Variants in KCNN1 observed in about 807,000 individuals in gnomAD.
KCNN1 encodes potassium calcium-activated channel subfamily N member 1.
KCNN1 carries 20 observed loss-of-function variants against 44.7 expected under a neutral mutation model. The observed-to-expected ratio is 0.45, with a 90% CI of 0.32 to 0.65. The LOEUF is 0.65. Ranked by LOEUF, KCNN1 falls within the 30% of genes least tolerant of loss-of-function variation. The pLI is 0.05. For missense variants in KCNN1, 632 were observed against 785.3 expected (o/e 0.80, Z 2.33); for synonymous variants, 324 against 341.7 (o/e 0.95, Z 0.57).
chr19:17,974,836 G>GT lies in KCNN1; in HGVS notation c.403-255dup, dbSNP rs1282965585. Among the ~76,000 whole-genome samples the GT allele has an allele frequency of 3.9e-5, 6 of 152,216 alleles. No homozygotes were observed. The highest frequency in any genetic ancestry group is 5.9e-5 in the Non-Finnish European group (4 of 68,038). The stretch of plus-strand genomic sequence containing the variant: ...CTGGACACATCTTGCTGTCAGCCCA[G>GT]TCCCCAGGAATAAGGACAGGAGAGC... On this transcript the variant is annotated intron_variant, in intron 2 of 9. Transcript: ENST00000684775. The surrounding 1 kb of genome is among the most constrained non-coding windows in gnomAD (Gnocchi z 7.3).
At chr19:17,964,659 C>T (rs1431170712), upstream of KCNN1, among the ~76,000 whole-genome samples, 1 of 152,236 alleles carries the variant, frequency 6.6e-6, no homozygotes, top group African/African-American at 2.4e-5. This position sits in a 1 kb window ranked among gnomAD's most constrained non-coding sequence, Gnocchi z 4.3. Flanking sequence ...GAAGTCCCAC[C>T]TCCATCCAAC....
chr19:17,957,155 G>A (rs1386757366), intron 2 of KCNN1, among the ~76,000 whole-genome samples: 6 of 118,724 alleles, frequency 5.1e-5, no homozygotes, highest in African/African-American at 1.8e-4. Context: ...GGGAGAGAGA[G>A]AAAAAAAGGA....
At chr19:17,992,086 C>T (rs766409567) in intron 7 of KCNN1, among the ~76,000 whole-genome samples, 5 of 152,156 alleles carry the variant, frequency 3.3e-5, no homozygotes, top group Admixed American at 6.6e-5. Context: ...TTTGGGAGGC[C>T]GAGATGGGTG....
Position 17,985,375 on chromosome 19 carries a change from CT to C in KCNN1, c.983del (p.Phe328SerfsTer55). ...LGAMWLISIT[F>X]LSIGYGDMVP... ...GGGCCATGTGGCTGATTTCCATCACCTTCCTCTCCATTGGCTACGGCGACAT... is the reference window on the plus strand; with the variant it reads ...GGGCCATGTGGCTGATTTCCATCACCTCCTCTCCATTGGCTACGGCGACAT... On this transcript the variant is annotated frameshift_variant, in exon 5 of 10. Transcript: ENST00000684775. LOFTEE classifies it high-confidence loss of function. 1 of 1,611,704 alleles carries C rather than the reference CT, an allele frequency of 6.2e-7. No homozygotes were observed. Among genetic ancestry groups the C allele is most frequent in the East Asian group, 2.2e-5 (1 of 44,784 alleles).
intron 5 of KCNN1, 131 bp downstream of exon 5, chr19:17,985,584 C>T: frequency 1.3e-6 from 1 of 767,408 alleles, no homozygotes; most frequent in Non-Finnish European, 1.9e-6. Context: ...GTCCCTCCAT[C>T]TGTCAGTCCA....
chr19:17,962,361 C>T (rs1417636247), upstream of KCNN1, among the ~76,000 whole-genome samples: 1 of 152,170 alleles, frequency 6.6e-6, no homozygotes, highest in South Asian at 2.1e-4. Context: ...AAGGATCAGG[C>T]CCAGTCCCTC....
At chr19:17,991,044 G>A (rs2032776741) in intron 7 of KCNN1, among the ~76,000 whole-genome samples, 1 of 152,090 alleles carries the variant, frequency 6.6e-6, no homozygotes, top group African/African-American at 2.4e-5. Flanking sequence ...GTTGGGCATG[G>A]TGGCTCACAC....
chr19:17,971,581 A>T (rs1224293834), intron 1 of KCNN1, among the ~76,000 whole-genome samples: 1 of 148,544 alleles, frequency 6.7e-6, no homozygotes, highest in African/African-American at 2.5e-5. Flanking sequence ...TCCTGTCTCA[A>T]CCTCCTGAGT....
In KCNN1 at chr19:17,983,700, TCCCGCATGTCCC is replaced by T. The variant is rs964066671; in HGVS notation, c.917+1576_917+1587del. On this transcript the variant is annotated intron_variant, in intron 4 of 9. Transcript: ENST00000684775. The surrounding 1 kb of genome is among the most constrained non-coding windows in gnomAD (Gnocchi z 4.5). ...TGCCTCGCTCTGACCCACCCCCGCC[TCCCGCATGTCCC>T]CCAGCCGTGCTCCTGGGTGGTCCCG... Among the ~76,000 whole-genome samples the T allele has an allele frequency of 2.0e-5, 3 of 148,532 alleles. No homozygotes were observed. The highest frequency in any genetic ancestry group is 7.5e-5 in the African/African-American group (3 of 39,938).
intron 2 of KCNN1, among the ~76,000 whole-genome samples, chr19:17,960,660 C>A (rs1227674390): frequency 2.0e-5 from 3 of 150,422 alleles, no homozygotes; most frequent in African/African-American, 7.5e-5. Flanking sequence ...AAAAGAAAAA[C>A]ACACAAAAAG....
At chr19:17,964,202 C>T (rs1041754775), upstream of KCNN1, among the ~76,000 whole-genome samples, 1 of 152,240 alleles carries the variant, frequency 6.6e-6, no homozygotes, top group South Asian at 2.1e-4. The surrounding 1 kb of genome is among the most constrained non-coding windows in gnomAD (Gnocchi z 4.3). Context: ...CTGACACTCA[C>T]TGGGGCCCAG....
Position 17,998,022 on chromosome 19 carries a change from C to G in KCNN1, c.1378-130C>G. 9.8e-7 allele frequency: 1 copy of G among 1,020,286 alleles called. No individual in the cohort carries two copies. The highest frequency in any genetic ancestry group is 2.9e-5 in the East Asian group (1 of 34,800). The allele number at this position is 1,020,286 out of a possible 1,614,324, so 63.2% of individuals were successfully genotyped here. ...GGTATCCTCCCAGCCACCCCTCACA[C>G]GGGCCCCATTAGTGGCTGGCACCCA... is the stretch of plus-strand genomic sequence containing the variant. On this transcript the variant is annotated intron_variant, in intron 9 of 9. Transcript: ENST00000684775. This position sits in a 1 kb window ranked among gnomAD's most constrained non-coding sequence, Gnocchi z 5.4.
At chr19:17,953,150 C>T (rs115940828) in intron 1 of KCNN1, among the ~76,000 whole-genome samples, 2,132 of 152,276 alleles carry the variant, frequency 0.014, 45 homozygotes, top group African/African-American at 0.049. Context: ...TCCCAGATCT[C>T]ACCTCCTCTT....
Position 17,993,124 on chromosome 19 carries a change from CAG to C in KCNN1, c.1307+63_1307+64del. 6 of 1,600,188 alleles carry C rather than the reference CAG, an allele frequency of 3.7e-6. No homozygotes were observed. Among genetic ancestry groups the C allele is most frequent in the East Asian group, 2.2e-5 (1 of 44,750 alleles). ...ATCGGGGGTGCATGGTGGTCACAGA[CAG>C]GGGGTACACCCGGGGCATGCCAACC... is the stretch of plus-strand genomic sequence containing the variant. On this transcript the variant is annotated intron_variant, in intron 8 of 9. Transcript: ENST00000684775. The surrounding 1 kb of genome is among the most constrained non-coding windows in gnomAD (Gnocchi z 4.5).
chr19:17,986,170 C>A (rs2032587380), intron 5 of KCNN1, among the ~76,000 whole-genome samples: 1 of 151,458 alleles, frequency 6.6e-6, no homozygotes, highest in Non-Finnish European at 1.5e-5. Flanking sequence ...TCAAGACCAG[C>A]CTGGCCAACG....
intron 7 of KCNN1, among the ~76,000 whole-genome samples, chr19:17,991,920 G>A (rs2032809838): frequency 6.6e-6 from 1 of 152,258 alleles, no homozygotes; most frequent in African/African-American, 2.4e-5. Flanking sequence ...ACAGGCGGCC[G>A]GCTAGATTTG....
chr19:17,979,566 A>C (rs1003054445), intron 3 of KCNN1, among the ~76,000 whole-genome samples: 4 of 151,278 alleles, frequency 2.6e-5, no homozygotes, highest in Non-Finnish European at 5.9e-5. Flanking sequence ...ATTCCTGATG[A>C]TACCTTTTGC....
rs973517849 is a variant in KCNN1, at chr19:17,973,828, G to A, written c.-61G>A. ...TGCAGGTCAGTGCAGGAGCCCAGCCGCTGAGCCATGCCGGGCCCCGGGCGG... is the reference window on the plus strand; with the variant it reads ...TGCAGGTCAGTGCAGGAGCCCAGCCACTGAGCCATGCCGGGCCCCGGGCGG... On this transcript the variant is annotated 5_prime_UTR_variant, in exon 2 of 10. Coordinates refer to ENST00000684775, the MANE Select transcript of KCNN1 (RefSeq NM_001386974.1). 9.1e-6 allele frequency: 14 copies of A among 1,532,028 alleles called. No homozygotes were observed. Among genetic ancestry groups the A allele is most frequent in the Middle Eastern group, 1.7e-4 (1 of 5,938 alleles). 94.9% of individuals were successfully genotyped at this position (1,532,028 alleles called of 1,614,324 possible). A position where few individuals can be genotyped will look rare whatever the true frequency, so the allele number is the denominator to read the frequency against.
intron 2 of KCNN1, among the ~76,000 whole-genome samples, chr19:17,955,592 A>G (rs2031524376): frequency 6.7e-6 from 1 of 149,818 alleles, no homozygotes. Flanking sequence ...AAGAAAGAAA[A>G]AAAATAATAA....
Sources: allele counts gnomAD v4.1 joint callset (sites outside exome capture counted in the v4.1 genomes callset), GRCh38; gene constraint gnomAD v4.1.1; non-coding constraint Gnocchi (gnomAD v3.1); transcripts MANE v1.5; gene names NCBI Gene and HGNC (gene_info 2026-07-23, HGNC 2026-07-21).